Variants in NIBAN1 observed in about 807,000 individuals in gnomAD.
NIBAN1 encodes the protein protein Niban 1.
A neutral mutation model predicts 75.1 loss-of-function variants in NIBAN1; 81 were observed. The ratio of observed to expected loss-of-function variants is 1.08; its 90% CI spans 0.90 to 1.30. NIBAN1 has a LOEUF of 1.30. NIBAN1 is among the 50% of genes most tolerant of loss of function. The probability of loss-of-function intolerance (pLI) is 0.00; values close to 1 mark genes in which losing one functional copy is unlikely to be tolerated. For missense variants in NIBAN1, 1,133 were observed against 1,128.1 expected (o/e 1.00, Z -0.06); for synonymous variants, 436 against 424.8 (o/e 1.03, Z -0.32).
At chr1:184,924,596 T>C (rs1032647214) in intron 1 of NIBAN1, among the ~76,000 whole-genome samples, 1 of 152,144 alleles carries the variant, frequency 6.6e-6, no homozygotes, top group Non-Finnish European at 1.5e-5. Context: ...TTTTTCAGAA[T>C]AGTTTGGGTA....
At position 184,823,307 on chromosome 1, in the gene NIBAN1, A is replaced by G; in HGVS notation, c.845T>C (p.Leu282Pro). 1.2e-6 allele frequency: 2 copies of G among 1,614,194 alleles called. No individual in the cohort carries two copies. Among genetic ancestry groups the G allele is most frequent in the African/African-American group, 2.7e-5 (2 of 75,052 alleles). The change falls in exon 8 of 14, where the codon CTG becomes CCG. Residue 282 changes from leucine (L) to proline (P), a missense_variant. Coordinates refer to ENST00000367511, the MANE Select transcript of NIBAN1 (RefSeq NM_052966.4). ...TCCTTCTGAAACTTGATGCTGAACC[A>G]GGGTGTAGGCCTCCTCGAGGAGCTG... ...WLGLLEEAYTLVQHQVSEGLS... is the reference protein window; with the variant it reads ...WLGLLEEAYTPVQHQVSEGLS...
intron 2 of NIBAN1, among the ~76,000 whole-genome samples, chr1:184,897,425 T>C (rs1216790790): frequency 1.3e-5 from 2 of 152,070 alleles, no homozygotes; most frequent in Non-Finnish European, 2.9e-5. Context: ...TCCTACTCCA[T>C]AGACCGTTTC....
intron 2 of NIBAN1, 90 bp downstream of exon 2, chr1:184,899,089 A>G: frequency 6.8e-7 from 1 of 1,462,192 alleles, no homozygotes; most frequent in South Asian, 1.3e-5. Flanking sequence ...TAAAACTGCC[A>G]TTCAAATTAT....
Position 184,791,172 on chromosome 1 carries a change from C to A in NIBAN1, c.*3805G>T. 1 of 411,054 alleles carries A rather than the reference C, an allele frequency of 2.4e-6. No homozygotes were observed. The allele number at this position is 411,054 out of a possible 1,614,324, so 25.5% of individuals were successfully genotyped here. A position where few individuals can be genotyped will look rare whatever the true frequency, so the allele number is the denominator to read the frequency against. ...CGATTTTTTTTCTTGAAGTTGCAGA[C>A]TTTAGAAGGCAAACCCTCAAACCCG... On this transcript the variant is annotated 3_prime_UTR_variant, in exon 14 of 14. Coordinates refer to ENST00000367511, the MANE Select transcript of NIBAN1 (RefSeq NM_052966.4).
intron 1 of NIBAN1, among the ~76,000 whole-genome samples, chr1:184,967,213 C>CTCTT (rs1212776835): frequency 6.6e-6 from 1 of 150,784 alleles, no homozygotes; most frequent in Non-Finnish European, 1.5e-5. Context: ...CCCTCTCTCT[C>CTCTT]TCTCTCTGTG....
chr1:184,963,263 A>T (rs1461977626), intron 1 of NIBAN1, among the ~76,000 whole-genome samples: 1 of 152,146 alleles, frequency 6.6e-6, no homozygotes, highest in African/African-American at 2.4e-5. Context: ...ATGATTAAAA[A>T]TTTTAAGCAA....
At chr1:184,886,240 G>A (rs1014019974) in intron 4 of NIBAN1, among the ~76,000 whole-genome samples, 1 of 152,116 alleles carries the variant, frequency 6.6e-6, no homozygotes, top group Admixed American at 6.6e-5. Flanking sequence ...CCCAAATACT[G>A]CAATGACCTG....
At chr1:184,825,827 T>A (rs960892896) in intron 6 of NIBAN1, among the ~76,000 whole-genome samples, 1 of 152,198 alleles carries the variant, frequency 6.6e-6, no homozygotes, top group Non-Finnish European at 1.5e-5. Context: ...AAGCACAGTT[T>A]TAGGAAGGGA....
At chr1:184,838,474 C>A (rs1288970269) in intron 5 of NIBAN1, among the ~76,000 whole-genome samples, 1 of 152,200 alleles carries the variant, frequency 6.6e-6, no homozygotes, top group Non-Finnish European at 1.5e-5. Flanking sequence ...TTTGGCCATT[C>A]ATTCAACAAT....
chr1:184,928,726 T>G (rs1259875488), intron 1 of NIBAN1, among the ~76,000 whole-genome samples: 1 of 152,144 alleles, frequency 6.6e-6, no homozygotes, highest in Non-Finnish European at 1.5e-5. Context: ...GTATAGGCAA[T>G]TCAAGACTGC....
chr1:184,902,780 G>A lies in NIBAN1; in HGVS notation c.56-3471C>T, dbSNP rs868234271. ...TTAATGAACTGAAGAAAAAGTGTAA[G>A]TTAGGGGCTGTGTTTCATTGAGCTT... On this transcript the variant is annotated intron_variant, in intron 1 of 13. Coordinates refer to ENST00000367511, the MANE Select transcript of NIBAN1 (RefSeq NM_052966.4). Among the ~76,000 whole-genome samples the A allele has an allele frequency of 5.9e-5, 9 of 152,278 alleles. 1 individual carries two copies. The Middle Eastern group carries it at 0.024, about 406-fold the overall frequency.
chr1:184,839,460 T>A (rs1655222971), intron 5 of NIBAN1, among the ~76,000 whole-genome samples: 1 of 152,146 alleles, frequency 6.6e-6, no homozygotes, highest in Admixed American at 6.5e-5. Flanking sequence ...CTTGCAACCC[T>A]ATAGTACGAT....
chr1:184,820,858 T>G (rs1654678248), intron 8 of NIBAN1, among the ~76,000 whole-genome samples: 1 of 152,258 alleles, frequency 6.6e-6, no homozygotes, highest in Non-Finnish European at 1.5e-5. Flanking sequence ...ATGAGTTTAC[T>G]ATATTACAAG....
chr1:184,857,685 GATATAC>G (rs1655714322), intron 5 of NIBAN1, among the ~76,000 whole-genome samples: 2 of 152,020 alleles, frequency 1.3e-5, no homozygotes, highest in Non-Finnish European at 2.9e-5. Context: ...TAAACAAATA[GATATAC>G]ATATACATAT....
chr1:184,918,667 C>T (rs192956427), intron 1 of NIBAN1, among the ~76,000 whole-genome samples: 87 of 152,308 alleles, frequency 5.7e-4, no homozygotes, highest in Middle Eastern at 3.4e-3. Flanking sequence ...TTACCTAACG[C>T]CTTGGTCAGA....
At chr1:184,805,263 G>C (rs1027238904) in intron 11 of NIBAN1, among the ~76,000 whole-genome samples, 1 of 152,166 alleles carries the variant, frequency 6.6e-6, no homozygotes, top group South Asian at 2.1e-4. Context: ...AGTGGACTAG[G>C]TGTATGATCG....
intron 1 of NIBAN1, among the ~76,000 whole-genome samples, chr1:184,913,967 A>T (rs1469164961): frequency 1.3e-5 from 2 of 152,196 alleles, no homozygotes; most frequent in African/African-American, 4.8e-5. Context: ...AATGGTTTAT[A>T]CTAAGCCATT....
chr1:184,899,131 A>C, intron 2 of NIBAN1, 48 bp downstream of exon 2: 2 of 1,605,954 alleles, frequency 1.2e-6, no homozygotes, highest in South Asian at 2.2e-5. Flanking sequence ...TGTGCTATAT[A>C]GCCTTCTTCA....
intron 1 of NIBAN1, among the ~76,000 whole-genome samples, chr1:184,959,536 T>G (rs1315588040): frequency 6.6e-6 from 1 of 152,238 alleles, no homozygotes; most frequent in Non-Finnish European, 1.5e-5. Context: ...TTTTCCTGCT[T>G]CTTCTTCTGC....
Sources: gnomAD v4.1 joint callset for allele counts (sites outside exome capture counted in the v4.1 genomes callset) on GRCh38, gnomAD v4.1.1 for gene constraint, MANE v1.5 for transcripts, NCBI Gene and HGNC (gene_info 2026-07-23, HGNC 2026-07-21) for gene names.